ARHGEF10L: variants seen among roughly 807,000 people sequenced by gnomAD.
ARHGEF10L encodes rho guanine nucleotide exchange factor 10-like protein.
A neutral mutation model predicts 141.2 loss-of-function variants in ARHGEF10L; 69 were observed. That is an observed-to-expected ratio of 0.49 (90% CI 0.40 to 0.60). The LOEUF (loss-of-function observed/expected upper bound fraction) is 0.60. Among genes scored for constraint, ARHGEF10L ranks in the 20% least tolerant of loss-of-function variants. The pLI, the probability that ARHGEF10L is intolerant of heterozygous loss-of-function variation, is 0.00. For synonymous variants in ARHGEF10L, 711 were observed against 718.5 expected (o/e 0.99, Z 0.17); for missense variants, 1,482 against 1,734.3 (o/e 0.85, Z 2.58).
At chr1:17,677,127 G>A (rs2063773621) in intron 26 of ARHGEF10L, among the ~76,000 whole-genome samples, 1 of 152,136 alleles carries the variant, frequency 6.6e-6, no homozygotes, top group Admixed American at 6.5e-5. Flanking sequence ...GCTTGCCTGC[G>A]ATCAGCAGGG....
chr1:17,581,643 A>G (rs1411042745), intron 2 of ARHGEF10L, among the ~76,000 whole-genome samples: 3 of 152,102 alleles, frequency 2.0e-5, no homozygotes, highest in Non-Finnish European at 4.4e-5. Flanking sequence ...TGGTTAAGTG[A>G]CATGTTGTCT....
intron 1 of ARHGEF10L, among the ~76,000 whole-genome samples, chr1:17,571,161 T>C (rs900916706): frequency 2.0e-5 from 3 of 152,084 alleles, no homozygotes; most frequent in African/African-American, 7.2e-5. Flanking sequence ...AGCCGCGGTG[T>C]AGCCTGAACC....
At chr1:17,594,828 C>T (rs560148648) in intron 4 of ARHGEF10L, among the ~76,000 whole-genome samples, 5 of 152,152 alleles carry the variant, frequency 3.3e-5, no homozygotes, top group East Asian at 1.9e-4. Context: ...TGAGACTCAC[C>T]GGATGGCACT....
chr1:17,646,469 C>T (rs565448233), intron 21 of ARHGEF10L, among the ~76,000 whole-genome samples: 34 of 152,190 alleles, frequency 2.2e-4, no homozygotes, highest in African/African-American at 7.5e-4. Context: ...TCCAGCCCTG[C>T]GTGGGTGGGT....
intron 21 of ARHGEF10L, among the ~76,000 whole-genome samples, chr1:17,646,308 C>T (rs2061597146): frequency 6.6e-6 from 1 of 152,216 alleles, no homozygotes; most frequent in African/African-American, 2.4e-5. Flanking sequence ...TCATGTCCAG[C>T]CCTTCTCTCT....
intron 25 of ARHGEF10L, among the ~76,000 whole-genome samples, chr1:17,659,064 G>A (rs903758922): frequency 6.6e-6 from 1 of 152,196 alleles, no homozygotes; most frequent in African/African-American, 2.4e-5. Context: ...CTGTTTGCGA[G>A]GGCTCCAACT....
intron 15 of ARHGEF10L, 82 bp from the exon 16 acceptor site, chr1:17,632,239 C>A (rs544333539): frequency 3.0e-5 from 47 of 1,561,898 alleles, no homozygotes; most frequent in South Asian, 2.6e-4. Context: ...CCTTTCTGCA[C>A]CATGGGAGGA....
chr1:17,623,167 G>A lies in ARHGEF10L; in HGVS notation c.1192G>A (p.Val398Met), dbSNP rs2060197787. The change falls in exon 12 of 29, where the codon GTG becomes ATG. Residue 398 changes from valine (V) to methionine (M), a missense_variant. Transcript: ENST00000361221. The surrounding 1 kb of genome is among the most constrained non-coding windows in gnomAD (Gnocchi z 4.7). ...DSTEKIGDLFVASFSKSMVLD... is the reference protein window; with the variant it reads ...DSTEKIGDLFMASFSKSMVLD... The stretch of plus-strand genomic sequence containing the variant: ...CACCGAGAAGATCGGGGACCTCTTC[G>A]TGGCCTCGGTAAGTGTCCCCAAACT... The A allele has an allele frequency of 1.9e-6, 3 of 1,612,264 alleles. No homozygotes were observed. Among genetic ancestry groups the A allele is most frequent in the African/African-American group, 1.3e-5 (1 of 74,714 alleles).
intron 2 of ARHGEF10L, among the ~76,000 whole-genome samples, chr1:17,584,712 T>C (rs906249015): frequency 1.3e-5 from 2 of 152,152 alleles, no homozygotes; most frequent in East Asian, 3.9e-4. Flanking sequence ...AGGAAGAACG[T>C]GCTAGGCCCT....
intron 22 of ARHGEF10L, among the ~76,000 whole-genome samples, chr1:17,651,250 G>A (rs953584614): frequency 5.3e-5 from 8 of 152,166 alleles, no homozygotes; most frequent in African/African-American, 9.7e-5. Flanking sequence ...GGTGGAGGCC[G>A]TCGGCAAGGG....
At chr1:17,532,426 G>C in the ARHGEF10L span, among the ~76,000 whole-genome samples, 5 of 152,260 alleles carry the variant, frequency 3.3e-5, no homozygotes, top group East Asian at 9.7e-4. Flanking sequence ...TGCTCTGCCT[G>C]TTATCCCTAG....
chr1:17,628,168 T>C (rs1166877401), intron 15 of ARHGEF10L, among the ~76,000 whole-genome samples: 2 of 152,024 alleles, frequency 1.3e-5, no homozygotes, highest in South Asian at 2.1e-4. Context: ...TGAAACCTTG[T>C]CTCTACTAAA....
At chr1:17,616,008 G>A (rs549107395) in intron 8 of ARHGEF10L, 86 bp from the exon 9 acceptor site, 1 of 1,143,938 alleles carries the variant, frequency 8.7e-7, no homozygotes, top group African/African-American at 1.5e-5. Context: ...GATCTCTGCA[G>A]GCCGAGGCCT....
chr1:17,631,834 A>G (rs2060711463), intron 15 of ARHGEF10L, among the ~76,000 whole-genome samples: 1 of 152,214 alleles, frequency 6.6e-6, no homozygotes. Context: ...ACCCGGTCAC[A>G]TGTTCATTAC....
At chr1:17,611,702 C>T (rs2059559349) in intron 7 of ARHGEF10L, among the ~76,000 whole-genome samples, 2 of 152,102 alleles carry the variant, frequency 1.3e-5, no homozygotes, top group South Asian at 4.1e-4. Context: ...TCTCAACAAC[C>T]CTATGCAGTA....
chr1:17,687,726 A>G lies in ARHGEF10L; in HGVS notation c.3163A>G (p.Arg1055Gly), dbSNP rs1326123314. 2.5e-6 allele frequency: 4 copies of G among 1,589,644 alleles called. No homozygotes were observed. Among genetic ancestry groups the G allele is most frequent in the South Asian group, 1.1e-5 (1 of 87,692 alleles). The stretch of plus-strand genomic sequence containing the variant: ...TCTGCAAGAGATCAACATCGCCACC[A>G]GGACCACCTTCCTCCTGCCAGGTGA... ...EHLQEINIAT[R>G]TTFLLPGQKH... The change falls in exon 27 of 29, where the codon AGG becomes GGG. Residue 1055 changes from arginine (R) to glycine (G), a missense_variant. By Grantham distance (125) the Arg-to-Gly change is moderately radical. This residue lies in a region of ARHGEF10L where 858 missense variants were observed against 966.3 expected (regional missense o/e 0.89). Transcript: ENST00000361221.
intron 4 of ARHGEF10L, among the ~76,000 whole-genome samples, chr1:17,594,343 C>A (rs1314005713): frequency 6.6e-6 from 1 of 152,118 alleles, no homozygotes; most frequent in Non-Finnish European, 1.5e-5. Context: ...TTAACCCCAG[C>A]TGGCTTCCAG....
At position 17,539,771 on chromosome 1, in the gene ARHGEF10L, G is replaced by C. The variant is rs1217365361; in HGVS notation, c.-223G>C. 6.8e-6 allele frequency: 1 copy of C among 146,454 alleles called. No individual in the cohort carries two copies. The highest frequency in any genetic ancestry group is 2.5e-5 in the African/African-American group (1 of 40,714). The allele number at this position is 146,454 out of a possible 1,614,324, so 9.1% of individuals were successfully genotyped here. ...GCGCGGGCGCAGTCCCGGCGGGCCC[G>C]GACCTCGCGGGCGGGCGGGCGGCGC... On this transcript the variant is annotated 5_prime_UTR_variant, in exon 1 of 29. Transcript: ENST00000361221. This position sits in a 1 kb window ranked among gnomAD's most constrained non-coding sequence, Gnocchi z 6.0.
At chr1:17,546,560 G>A (rs1570384275) in intron 1 of ARHGEF10L, among the ~76,000 whole-genome samples, 1 of 152,156 alleles carries the variant, frequency 6.6e-6, no homozygotes, top group Non-Finnish European at 1.5e-5. Context: ...AACCCGGCAG[G>A]CCCTGAGATC....
Sources: gnomAD v4.1 joint callset for allele counts (sites outside exome capture counted in the v4.1 genomes callset) on GRCh38, gnomAD v4.1.1 for gene constraint, gnomAD v4.1.1 regional missense constraint, Gnocchi (gnomAD v3.1) non-coding constraint, MANE v1.5 for transcripts, NCBI Gene and HGNC (gene_info 2026-07-23, HGNC 2026-07-21) for gene names.